The following ZNF385D variants were observed in gnomAD, a reference collection of about 807,000 sequenced individuals.
ZNF385D encodes zinc finger protein 659.
In ZNF385D, 15 loss-of-function variants were observed where a neutral mutation model predicts 35.8. The ratio of observed to expected loss-of-function variants is 0.42; its 90% CI spans 0.28 to 0.64. The LOEUF is 0.64. ZNF385D is among the 30% of genes least tolerant of loss of function. The pLI is 0.23. For synonymous variants in ZNF385D, 212 were observed against 186.8 expected (o/e 1.13, Z -1.10); for missense variants, 474 against 494.6 (o/e 0.96, Z 0.39).
chr3:22,093,031 T>C (rs1390823651), intron 3 of ZNF385D, among the ~76,000 whole-genome samples: 1 of 152,148 alleles, frequency 6.6e-6, no homozygotes, highest in South Asian at 2.1e-4. Flanking sequence ...AGGAAGGTCA[T>C]AGCTCCCACA....
At chr3:21,923,276 A>G (rs1390982163) in intron 3 of ZNF385D, among the ~76,000 whole-genome samples, 2 of 151,446 alleles carry the variant, frequency 1.3e-5, no homozygotes, top group East Asian at 3.9e-4. Flanking sequence ...ATTATTAATC[A>G]TCAGAGAAAT....
chr3:22,298,370 A>ATGTG (rs1237223072), intron 2 of ZNF385D, among the ~76,000 whole-genome samples: 4 of 136,540 alleles, frequency 2.9e-5, no homozygotes, highest in Non-Finnish European at 4.9e-5. Flanking sequence ...AGAAAGCAGT[A>ATGTG]TGTATGTGTG....
At chr3:22,325,295 T>C (rs1030814395) in intron 2 of ZNF385D, among the ~76,000 whole-genome samples, 10 of 152,196 alleles carry the variant, frequency 6.6e-5, no homozygotes, top group African/African-American at 2.4e-4. Context: ...CTAGTAATAT[T>C]GGGGAACACT....
intron 2 of ZNF385D, among the ~76,000 whole-genome samples, chr3:22,199,017 A>C (rs1267154399): frequency 6.6e-6 from 1 of 152,098 alleles, no homozygotes; most frequent in East Asian, 1.9e-4. Flanking sequence ...TCTCATGATT[A>C]TTGATCTTTA....
intron 2 of ZNF385D, among the ~76,000 whole-genome samples, chr3:22,284,869 G>A (rs915684872): frequency 2.6e-5 from 4 of 152,098 alleles, no homozygotes; most frequent in Admixed American, 6.6e-5. Context: ...TATTTTGACA[G>A]ACCCAAATCA....
chr3:21,680,484 T>C (rs1419403647), intron 1 of ZNF385D, among the ~76,000 whole-genome samples: 1 of 152,194 alleles, frequency 6.6e-6, no homozygotes, highest in East Asian at 1.9e-4. Flanking sequence ...AAGACATTGG[T>C]AGACCACAAT....
At chr3:21,812,428 G>T (rs991278397) in intron 3 of ZNF385D, among the ~76,000 whole-genome samples, 5 of 152,254 alleles carry the variant, frequency 3.3e-5, no homozygotes, top group African/African-American at 1.2e-4. Context: ...CAAGAGGTTG[G>T]GGAATTCCCT....
intron 2 of ZNF385D, among the ~76,000 whole-genome samples, chr3:21,582,699 A>G (rs35612116): frequency 0.2 from 30,664 of 152,178 alleles, 3,875 homozygotes; most frequent in Non-Finnish European, 0.29. Context: ...CCAGCACCAC[A>G]GAATTTCTCT....
intron 3 of ZNF385D, among the ~76,000 whole-genome samples, chr3:21,955,855 G>A (rs1400565152): frequency 6.6e-6 from 1 of 152,044 alleles, no homozygotes; most frequent in Non-Finnish European, 1.5e-5. Flanking sequence ...ATTCAAAGGA[G>A]GGAATATTTT....
At chr3:21,786,371 T>G (rs184589460) in intron 3 of ZNF385D, among the ~76,000 whole-genome samples, 43 of 152,304 alleles carry the variant, frequency 2.8e-4, no homozygotes, top group African/African-American at 1.0e-3. Context: ...AACACAGTAC[T>G]CCTTTAGGGA....
At chr3:21,826,919 T>C (rs971848844) in intron 3 of ZNF385D, among the ~76,000 whole-genome samples, 7 of 152,014 alleles carry the variant, frequency 4.6e-5, no homozygotes, top group Non-Finnish European at 1.0e-4. Context: ...GAGTATGGAC[T>C]TCAAGGTCAA....
At chr3:21,545,434 C>T (rs1023919193) in intron 3 of ZNF385D, among the ~76,000 whole-genome samples, 5 of 152,168 alleles carry the variant, frequency 3.3e-5, no homozygotes, top group African/African-American at 1.2e-4. Flanking sequence ...GATCTATGTT[C>T]TGTTTTTCAG....
chr3:21,543,548 T>C (rs1251061156), intron 3 of ZNF385D, among the ~76,000 whole-genome samples: 2 of 152,090 alleles, frequency 1.3e-5, no homozygotes, highest in South Asian at 2.1e-4. Context: ...GCCACAAGCG[T>C]CTGCAGCCTT....
At chr3:21,883,945 T>C (rs1484420082) in intron 3 of ZNF385D, among the ~76,000 whole-genome samples, 2 of 152,038 alleles carry the variant, frequency 1.3e-5, no homozygotes, top group African/African-American at 4.8e-5. Context: ...GTCGAATTTC[T>C]TGTCTTTCAA....
chr3:22,009,575 A>G (rs2125433331), intron 3 of ZNF385D, among the ~76,000 whole-genome samples: 1 of 151,076 alleles, frequency 6.6e-6, no homozygotes, highest in African/African-American at 2.4e-5. Context: ...GTGAGGCGAA[A>G]TTGCACAACT....
intron 3 of ZNF385D, among the ~76,000 whole-genome samples, chr3:22,152,020 A>C (rs962074589): frequency 1.3e-5 from 2 of 152,000 alleles, no homozygotes; most frequent in South Asian, 4.2e-4. Context: ...TCCACCTTCA[A>C]GTAGGGTTCA....
intron 3 of ZNF385D, among the ~76,000 whole-genome samples, chr3:21,527,119 G>A (rs1356482756): frequency 1.3e-5 from 2 of 152,140 alleles, no homozygotes; most frequent in Non-Finnish European, 2.9e-5. Context: ...TAGTTATCCA[G>A]TGTTAATTCT....
intron 2 of ZNF385D, among the ~76,000 whole-genome samples, chr3:22,218,580 C>T (rs1171090798): frequency 6.6e-6 from 1 of 152,004 alleles, no homozygotes; most frequent in Non-Finnish European, 1.5e-5. Context: ...TTGCTTATTG[C>T]ACAGACCAAC....
intron 1 of ZNF385D, among the ~76,000 whole-genome samples, chr3:21,690,670 C>A (rs1434735708): frequency 6.6e-6 from 1 of 152,152 alleles, no homozygotes; most frequent in Non-Finnish European, 1.5e-5. Context: ...AGGCTCTACT[C>A]CAGTGGTTCT....
Sources: allele counts gnomAD v4.1 joint callset (sites outside exome capture counted in the v4.1 genomes callset), GRCh38; gene constraint gnomAD v4.1.1; transcripts MANE v1.5; gene names NCBI Gene and HGNC (gene_info 2026-07-23, HGNC 2026-07-21).